Variants in FKBP4 observed in about 807,000 individuals in gnomAD.
FKBP4 encodes the protein FKBP prolyl isomerase 4.
In FKBP4, 28 loss-of-function variants were observed where a neutral mutation model predicts 54.1. The observed-to-expected ratio is 0.52, with a 90% CI of 0.38 to 0.71. The LOEUF is 0.71. Ranked by LOEUF, FKBP4 falls within the 30% of genes least tolerant of loss-of-function variation. FKBP4 has a pLI of 0.00. For missense variants in FKBP4, 493 were observed against 574.4 expected (o/e 0.86, Z 1.45); for synonymous variants, 223 against 216.1 (o/e 1.03, Z -0.28).
In FKBP4 at chr12:2,798,500, A is replaced by G. The variant is rs955731724; in HGVS notation, c.394-206A>G. On this transcript the variant is annotated intron_variant, in intron 3 of 9. Transcript: ENST00000001008. The surrounding 1 kb of genome is among the most constrained non-coding windows in gnomAD (Gnocchi z 4.3). ...GCTCTCCTCAGCTTAACTGAAATCTATGTAGTCTGCCCACCTCTACCAAAG... is the reference window on the plus strand; with the variant it reads ...GCTCTCCTCAGCTTAACTGAAATCTGTGTAGTCTGCCCACCTCTACCAAAG... Among the ~76,000 whole-genome samples the G allele has an allele frequency of 3.9e-5, 6 of 152,282 alleles. No homozygotes were observed. Among genetic ancestry groups the G allele is most frequent in the African/African-American group, 1.4e-4 (6 of 41,558 alleles).
At chr12:2,796,192 T>A in intron 1 of FKBP4, 1 of 1,286,182 alleles carries the variant, frequency 7.8e-7, no homozygotes, top group Non-Finnish European at 1.0e-6. Flanking sequence ...TTCCCACCGC[T>A]GAGCTCCGCG....
rs1297262129 is a variant in FKBP4, at chr12:2,803,113, T to G, written c.1273-38T>G. The G allele has an allele frequency of 2.1e-6, 3 of 1,426,920 alleles. No homozygotes were observed. In the African/African-American group the frequency reaches 4.2e-5, roughly 20 times the overall value. 88.4% of individuals were successfully genotyped at this position (1,426,920 alleles called of 1,614,324 possible). A position where few individuals can be genotyped will look rare whatever the true frequency, so the allele number is the denominator to read the frequency against. The stretch of plus-strand genomic sequence containing the variant: ...GAAATTAAGTGTGTGTTTTTTCACT[T>G]GGGAAGTCAGCCCGTTTGCTGTTCA... On this transcript the variant is annotated intron_variant, in intron 9 of 9. Coordinates refer to ENST00000001008, the MANE Select transcript of FKBP4 (RefSeq NM_002014.4).
Position 2,798,874 on chromosome 12 carries a change from C to A in FKBP4, c.514+48C>A, listed in dbSNP as rs764994532. On this transcript the variant is annotated intron_variant, in intron 4 of 9. Transcript: ENST00000001008. The surrounding 1 kb of genome is among the most constrained non-coding windows in gnomAD (Gnocchi z 4.3). ...TTCAATTCTCATTCTGATATTTAGG[C>A]CTTGTGTGGCTTTGGGCAAGACACT... is the stretch of plus-strand genomic sequence containing the variant. 1.9e-6 allele frequency: 3 copies of A among 1,594,682 alleles called. No homozygotes were observed. The highest frequency in any genetic ancestry group is 2.6e-6 in the Non-Finnish European group (3 of 1,163,424).
At chr12:2,797,646 G>A (rs2097902639) in intron 2 of FKBP4, 83 bp from the exon 3 acceptor site, 8 of 1,482,292 alleles carry the variant, frequency 5.4e-6, no homozygotes, top group Admixed American at 2.0e-5. Flanking sequence ...CCATGAGTGT[G>A]GTGCAGTAAC....
rs531421648 is a variant in FKBP4 at position 2,796,177 on chromosome 12, C to T, written c.105+933C>T. The T allele has an allele frequency of 4.7e-5, 60 of 1,280,434 alleles. No individual in the cohort carries two copies. The South Asian group carries it at 4.9e-4, about 10-fold the overall frequency. The allele number at this position is 1,280,434 out of a possible 1,614,324, so 79.3% of individuals were successfully genotyped here. ...CCCCATCCGCTGCTGCGTCCTCATC[C>T]TGGCTTCCCACCGCTGAGCTCCGCG... is the stretch of plus-strand genomic sequence containing the variant. On this transcript the variant is annotated intron_variant, in intron 1 of 9. Transcript: ENST00000001008.
chr12:2,796,206 G>A, intron 1 of FKBP4: 3 of 1,288,068 alleles, frequency 2.3e-6, no homozygotes, highest in Non-Finnish European at 2.0e-6. Flanking sequence ...CTCCGCGTGT[G>A]CGGCACCCAC....
intron 5 of FKBP4, 45 bp from the exon 6 acceptor site, chr12:2,799,805 G>A: frequency 1.3e-6 from 2 of 1,528,722 alleles, no homozygotes; most frequent in Non-Finnish European, 1.8e-6. Flanking sequence ...CCTGGAGCAG[G>A]TTAAGTGTTG....
chr12:2,797,328 A>G, intron 2 of FKBP4, 46 bp downstream of exon 2: 1 of 1,605,218 alleles, frequency 6.2e-7, no homozygotes, highest in Non-Finnish European at 8.5e-7. Flanking sequence ...AGGTGGACAC[A>G]AGCTGTCACA....
intron 9 of FKBP4, among the ~76,000 whole-genome samples, chr12:2,802,241 G>A (rs2097905231): frequency 1.3e-5 from 2 of 152,122 alleles, no homozygotes; most frequent in South Asian, 2.1e-4. Flanking sequence ...GGGTTCAAGC[G>A]ATTCTCCTGC....
At position 2,797,154 on chromosome 12, in the gene FKBP4, G is replaced by A. The variant is rs1434535535; in HGVS notation, c.122G>A (p.Gly41Asp). The change falls in exon 2 of 10, where the codon GGC becomes GAC. Residue 41 changes from glycine to aspartate, a missense_variant. Transcript: ENST00000001008. ...TCCTCCCAGGTCATCAAGAGAGAGG[G>A]CACAGGTACAGAGATGCCCATGATT... ...EGVLKVIKREGTGTEMPMIGD... is the reference protein window; with the variant it reads ...EGVLKVIKREDTGTEMPMIGD... 7.4e-6 allele frequency: 12 copies of A among 1,612,648 alleles called. No individual in the cohort carries two copies. Among genetic ancestry groups the A allele is most frequent in the African/African-American group, 1.3e-5 (1 of 74,866 alleles).
Position 2,795,332 on chromosome 12 carries a change from C to A in FKBP4, c.105+88C>A. The A allele has an allele frequency of 3.6e-6, 2 of 562,642 alleles. No individual in the cohort carries two copies. Among genetic ancestry groups the A allele is most frequent in the Non-Finnish European group, 4.8e-6 (2 of 418,780 alleles). The allele number at this position is 562,642 out of a possible 1,614,324, so 34.9% of individuals were successfully genotyped here. A position where few individuals can be genotyped will look rare whatever the true frequency, so the allele number is the denominator to read the frequency against. ...CGCGCCCGGAGCCCGCGGCCGGGCA[C>A]GGGTCGAGGCGGCCGCCTTTGCAGC... On this transcript the variant is annotated intron_variant, in intron 1 of 9. Coordinates refer to ENST00000001008, the MANE Select transcript of FKBP4 (RefSeq NM_002014.4). The surrounding 1 kb of genome is among the most constrained non-coding windows in gnomAD (Gnocchi z 4.3).
At chr12:2,802,865 C>T (rs2097905610) in intron 9 of FKBP4, among the ~76,000 whole-genome samples, 1 of 152,090 alleles carries the variant, frequency 6.6e-6, no homozygotes, top group African/African-American at 2.4e-5. Context: ...GTAGCTGGGA[C>T]TACAGGTGCA....
At chr12:2,800,176 C>A in intron 7 of FKBP4, 54 bp downstream of exon 7, 1 of 1,570,772 alleles carries the variant, frequency 6.4e-7, no homozygotes, top group South Asian at 1.1e-5. Flanking sequence ...TGCTCTGAGC[C>A]TCCCCTTCCC....
chr12:2,805,134 AAAG>A lies in FKBP4; in HGVS notation c.*1880_*1882del, dbSNP rs764561537. 3.7e-5 allele frequency: 17 copies of A among 455,778 alleles called. No homozygotes were observed. Among genetic ancestry groups the A allele is most frequent in the African/African-American group, 8.0e-5 (4 of 50,182 alleles). The allele number at this position is 455,778 out of a possible 1,614,324, so 28.2% of individuals were successfully genotyped here. On this transcript the variant is annotated 3_prime_UTR_variant, in exon 10 of 10. Coordinates refer to ENST00000001008, the MANE Select transcript of FKBP4 (RefSeq NM_002014.4). The stretch of plus-strand genomic sequence containing the variant: ...AACTGAATCCTTGCAACCATCCTAC[AAAG>A]AAGGTATAACTTTAATAACCCTATT...
chr12:2,803,420 G>C lies in FKBP4; in HGVS notation c.*162G>C. ...GGGAAGGGGGAAAGGTGTAGGCTGG[G>C]GGATTGAGGTGGGGAATCATTTTAG... On this transcript the variant is annotated 3_prime_UTR_variant, in exon 10 of 10. Transcript: ENST00000001008. 1 of 590,578 alleles carries C rather than the reference G, an allele frequency of 1.7e-6. No homozygotes were observed. The highest frequency in any genetic ancestry group is 3.0e-6 in the Non-Finnish European group (1 of 330,916). 36.6% of individuals were successfully genotyped at this position (590,578 alleles called of 1,614,324 possible).
In FKBP4 at chr12:2,803,199, AAGG is replaced by A; in HGVS notation, c.1327_1329del (p.Glu443del). The A allele has an allele frequency of 6.2e-7, 1 of 1,605,954 alleles. No homozygotes were observed. Among genetic ancestry groups the A allele is most frequent in the Non-Finnish European group, 8.5e-7 (1 of 1,176,376 alleles). ...AGACCATCCCACTGACACAGAGATG[AAGG>A]AGGAGCAGAAGAGCAACACGGCAGG... On this transcript the variant is annotated inframe_deletion, in exon 10 of 10. Transcript: ENST00000001008.
In FKBP4 at chr12:2,799,153, G is replaced by A. The variant is rs772597983; in HGVS notation, c.580G>A (p.Glu194Lys). The A allele has an allele frequency of 1.0e-5, 16 of 1,592,834 alleles. No homozygotes were observed. The highest frequency in any genetic ancestry group is 8.9e-5 in the East Asian group (4 of 44,704). The change falls in exon 5 of 10, where the codon GAG (glutamate) becomes AAG (lysine). Residue 194 changes from glutamate to lysine, a missense_variant. Coordinates refer to ENST00000001008, the MANE Select transcript of FKBP4 (RefSeq NM_002014.4). ...GCGGGAGCTCCGCTTTGAGATTGGC[G>A]AGGGGGAGAACCTGGATCTGCCTTA... ...DQRELRFEIG[E>K]GENLDLPYGL...
chr12:2,798,438 A>G lies in FKBP4; in HGVS notation c.394-268A>G, dbSNP rs866917266. ...TTAGGATTATCTGGGACGCGTCCTG[A>G]TATGTCCGTGTTAGTAGAGCAGGTA... is the stretch of plus-strand genomic sequence containing the variant. On this transcript the variant is annotated intron_variant, in intron 3 of 9. Transcript: ENST00000001008. This position sits in a 1 kb window ranked among gnomAD's most constrained non-coding sequence, Gnocchi z 4.3. Among the ~76,000 whole-genome samples, 4 of 152,192 alleles carry G rather than the reference A, an allele frequency of 2.6e-5. No homozygotes were observed. In the East Asian group the frequency reaches 7.7e-4, roughly 29 times the overall value.
intron 2 of FKBP4, 21 bp from the exon 3 acceptor site, chr12:2,797,706 CCT>C: frequency 6.2e-7 from 1 of 1,601,494 alleles, no homozygotes; most frequent in East Asian, 2.2e-5. Flanking sequence ...CTAAGGCGGT[CCT>C]GTTTGCTTCT....
Sources: gnomAD v4.1 joint callset for allele counts (sites outside exome capture counted in the v4.1 genomes callset) on GRCh38, gnomAD v4.1.1 for gene constraint, Gnocchi (gnomAD v3.1) non-coding constraint, MANE v1.5 for transcripts, NCBI Gene and HGNC (gene_info 2026-07-23, HGNC 2026-07-21) for gene names.